The following TMCO4 variants were observed in gnomAD, a reference collection of about 807,000 sequenced individuals.
TMCO4 encodes transmembrane and coiled-coil domains 4, also known as transmembrane and coiled-coil domain-containing protein 4.
A neutral mutation model predicts 64.7 loss-of-function variants in TMCO4; 58 were observed. The ratio of observed to expected loss-of-function variants is 0.90; its 90% CI spans 0.73 to 1.12. TMCO4 has a LOEUF of 1.12. TMCO4 is among the 50% of genes most tolerant of loss of function. The pLI, the probability that TMCO4 is intolerant of heterozygous loss-of-function variation, is 0.00. For synonymous variants in TMCO4, 325 were observed against 346.1 expected (o/e 0.94, Z 0.68); for missense variants, 780 against 825.9 (o/e 0.94, Z 0.68).
chr1:19,789,391 A>G (rs1300056109), intron 2 of TMCO4, among the ~76,000 whole-genome samples: 1 of 152,162 alleles, frequency 6.6e-6, no homozygotes, highest in Admixed American at 6.5e-5. Flanking sequence ...CCTGGGCGAC[A>G]CAGTGAGACT....
chr1:19,773,082 C>A (rs1483363572), intron 4 of TMCO4, among the ~76,000 whole-genome samples: 1 of 152,152 alleles, frequency 6.6e-6, no homozygotes, highest in East Asian at 1.9e-4. Flanking sequence ...CCCATATATT[C>A]AGGAGGCTGA....
intron 3 of TMCO4, among the ~76,000 whole-genome samples, chr1:19,784,493 C>T (rs1445178821): frequency 6.6e-6 from 1 of 152,152 alleles, no homozygotes; most frequent in Non-Finnish European, 1.5e-5. Flanking sequence ...GAGATTGTGC[C>T]ACTGCACTCC....
intron 13 of TMCO4, among the ~76,000 whole-genome samples, chr1:19,723,797 G>T (rs1427441459): frequency 6.6e-6 from 1 of 152,222 alleles, no homozygotes; most frequent in Non-Finnish European, 1.5e-5. Flanking sequence ...GACAATGGGG[G>T]CTGGTGGCCA....
chr1:19,789,843 A>G (rs529500562), intron 2 of TMCO4, among the ~76,000 whole-genome samples: 1 of 152,238 alleles, frequency 6.6e-6, no homozygotes, highest in Admixed American at 6.5e-5. Flanking sequence ...TCTTGAGCCC[A>G]GGAGTTCGAG....
At chr1:19,698,073 C>T (rs541999839) in intron 14 of TMCO4, among the ~76,000 whole-genome samples, 4 of 152,174 alleles carry the variant, frequency 2.6e-5, no homozygotes, top group Admixed American at 6.6e-5. Context: ...TGAGCTGAAC[C>T]GGGAACTCGC....
In TMCO4 at chr1:19,734,275, G is replaced by A. The variant is rs2095443193; in HGVS notation, c.1264+3097C>T. Among the ~76,000 whole-genome samples the A allele has an allele frequency of 6.6e-6, 1 of 152,162 alleles. No homozygotes were observed. Among genetic ancestry groups the A allele is most frequent in the Admixed American group, 6.5e-5 (1 of 15,276 alleles). On this transcript the variant is annotated intron_variant, in intron 13 of 15. Transcript: ENST00000294543. This position sits in a 1 kb window ranked among gnomAD's most constrained non-coding sequence, Gnocchi z 4.4. ...AGTGGGGCCCTGTGAGTCATGCTGG[G>A]ACATCCACACTGATCTAGAGAACAG...
chr1:19,733,513 A>T (rs375409573), intron 13 of TMCO4, among the ~76,000 whole-genome samples: 6 of 152,124 alleles, frequency 3.9e-5, no homozygotes, highest in African/African-American at 1.4e-4. Context: ...CAGTGACAAG[A>T]AGGAGAAACA....
In TMCO4 at chr1:19,779,869, C is replaced by T. The variant is rs955061441; in HGVS notation, c.179+711G>A. 2.0e-5 allele frequency among the ~76,000 whole-genome samples: 3 copies of T among 152,310 alleles called. 1 individual carries two copies. The highest frequency in any genetic ancestry group is 1.5e-5 in the Non-Finnish European group (1 of 68,026). On this transcript the variant is annotated intron_variant, in intron 4 of 15. Transcript: ENST00000294543. ...TATCTGTCTCATTCACATTTACCCT[C>T]CATGTACTTCAAATCATACCTGGAA...
chr1:19,782,041 C>A (rs2043517555), intron 3 of TMCO4, among the ~76,000 whole-genome samples: 1 of 152,216 alleles, frequency 6.6e-6, no homozygotes, highest in Admixed American at 6.5e-5. Flanking sequence ...AAACATATGT[C>A]TTCCCTATGC....
At chr1:19,709,608 C>T (rs1298822836) in intron 13 of TMCO4, among the ~76,000 whole-genome samples, 2 of 152,126 alleles carry the variant, frequency 1.3e-5, no homozygotes, top group African/African-American at 2.4e-5. Context: ...AGCACATTGA[C>T]AAACTCTTTG....
At chr1:19,716,352 C>A (rs989110681) in intron 13 of TMCO4, among the ~76,000 whole-genome samples, 1 of 147,292 alleles carries the variant, frequency 6.8e-6, no homozygotes, top group African/African-American at 2.5e-5. Context: ...TGCCACTACG[C>A]CCGGCTATTT....
At chr1:19,750,626 G>A (rs954310963) in intron 7 of TMCO4, among the ~76,000 whole-genome samples, 6 of 152,040 alleles carry the variant, frequency 3.9e-5, no homozygotes, top group Non-Finnish European at 8.8e-5. Flanking sequence ...ATCTCTCCCC[G>A]ATGTGACACT....
chr1:19,745,401 G>T, intron 10 of TMCO4, 131 bp downstream of exon 10: 2 of 1,429,860 alleles, frequency 1.4e-6, no homozygotes, highest in Non-Finnish European at 1.9e-6. Flanking sequence ...ACCTCTCTGA[G>T]CCTCAGTTTC....
intron 12 of TMCO4, among the ~76,000 whole-genome samples, chr1:19,739,396 T>C (rs111914899): frequency 0.022 from 3,341 of 152,358 alleles, 65 homozygotes; most frequent in Non-Finnish European, 0.033. Context: ...GGGAATTCCA[T>C]TGGTGGCCAG....
intron 2 of TMCO4, among the ~76,000 whole-genome samples, chr1:19,796,507 T>C (rs2044315561): frequency 6.6e-6 from 1 of 152,148 alleles, no homozygotes; most frequent in African/African-American, 2.4e-5. Flanking sequence ...ATTTTCGTTA[T>C]TCATACCAGT....
intron 7 of TMCO4, among the ~76,000 whole-genome samples, chr1:19,753,441 G>T (rs2042107542): frequency 6.6e-6 from 1 of 152,196 alleles, no homozygotes; most frequent in Non-Finnish European, 1.5e-5. Flanking sequence ...GAGGAGAGGT[G>T]AAGTCACTAA....
intron 13 of TMCO4, among the ~76,000 whole-genome samples, chr1:19,731,233 A>G (rs948509516): frequency 6.6e-6 from 1 of 152,188 alleles, no homozygotes; most frequent in Non-Finnish European, 1.5e-5. Flanking sequence ...GTGGGAGGCC[A>G]ATTATTCCTC....
At chr1:19,751,419 G>A (rs1318855985) in intron 7 of TMCO4, among the ~76,000 whole-genome samples, 3 of 152,102 alleles carry the variant, frequency 2.0e-5, no homozygotes, top group Non-Finnish European at 2.9e-5. Context: ...GCAACAGGGT[G>A]AAATGCTGTC....
At chr1:19,694,603 C>A in intron 14 of TMCO4, 52 bp from the exon 15 acceptor site, 1 of 1,563,118 alleles carries the variant, frequency 6.4e-7, no homozygotes, top group South Asian at 1.1e-5. Context: ...TCGGACAGCC[C>A]AAGGACAGGA....
Sources: gnomAD v4.1 joint callset for allele counts (sites outside exome capture counted in the v4.1 genomes callset) on GRCh38, gnomAD v4.1.1 for gene constraint, Gnocchi (gnomAD v3.1) non-coding constraint, MANE v1.5 for transcripts, NCBI Gene and HGNC (gene_info 2026-07-23, HGNC 2026-07-21) for gene names.